CLSTN1: variants seen among roughly 807,000 people sequenced by gnomAD.
CLSTN1 encodes calsyntenin 1, also known as calsyntenin-1.
A neutral mutation model predicts 108.3 loss-of-function variants in CLSTN1; 28 were observed. The ratio of observed to expected loss-of-function variants is 0.26; its 90% CI spans 0.19 to 0.35. CLSTN1 has a LOEUF of 0.35. Ranked by LOEUF, CLSTN1 falls within the 10% of genes least tolerant of loss-of-function variation. CLSTN1 has a pLI of 1.00. For synonymous variants in CLSTN1, 524 were observed against 534.9 expected, an observed-to-expected ratio of 0.98 and a Z score of 0.28; for missense variants, 1,157 against 1,302.6, an observed-to-expected ratio of 0.89 and a Z score of 1.72.
intron 4 of CLSTN1, among the ~76,000 whole-genome samples, chr1:9,753,350 G>A (rs1651649772): frequency 6.6e-6 from 1 of 152,126 alleles, no homozygotes; most frequent in South Asian, 2.1e-4. Context: ...ACTGGCCCAC[G>A]TCCTGAGGTA....
At chr1:9,808,167 A>G (rs764260904) in intron 1 of CLSTN1, among the ~76,000 whole-genome samples, 2 of 152,214 alleles carry the variant, frequency 1.3e-5, no homozygotes, top group South Asian at 4.1e-4. Flanking sequence ...GCAGGACCCA[A>G]GTATTCAAAG....
At chr1:9,753,099 G>A (rs780922492) in intron 4 of CLSTN1, among the ~76,000 whole-genome samples, 1 of 152,108 alleles carries the variant, frequency 6.6e-6, no homozygotes, top group Admixed American at 6.6e-5. Context: ...ACAGATGGGG[G>A]TGGGAGGATG....
chr1:9,788,408 T>C (rs1570493976), intron 1 of CLSTN1, among the ~76,000 whole-genome samples: 1 of 150,582 alleles, frequency 6.6e-6, no homozygotes, highest in African/African-American at 2.4e-5. Flanking sequence ...CCATCTCTAC[T>C]AAAAATACAA....
chr1:9,767,987 T>C (rs1652431925), intron 2 of CLSTN1, among the ~76,000 whole-genome samples: 1 of 152,136 alleles, frequency 6.6e-6, no homozygotes, highest in Non-Finnish European at 1.5e-5. Context: ...CCCAAACCAA[T>C]GAGGTCTGTG....
rs1422573758 is a variant in CLSTN1 at position 9,741,195 on chromosome 1, T to C, written c.1418A>G (p.Tyr473Cys). The C allele has an allele frequency of 6.2e-6, 10 of 1,614,022 alleles. No homozygotes were observed. Among genetic ancestry groups the C allele is most frequent in the South Asian group, 3.3e-5 (3 of 91,066 alleles). Residue 473 changes from tyrosine (Y) to cysteine (C), a missense_variant, in exon 10 of 19, where the codon TAT (tyrosine) becomes TGT (cysteine). Physicochemically the swap from Tyr to Cys is radical, Grantham distance 194. Coordinates refer to ENST00000377298, the MANE Select transcript of CLSTN1 (RefSeq NM_001009566.3). ...LNVEFPSVTL[Y>C]VDGTSHEPFS... is the part of the protein sequence containing the mutation. ...GGGCTCGTGGGACGTGCCATCCACA[T>C]AGAGAGTCACACTCGGGAATTCTAC...
Position 9,730,514 on chromosome 1 carries a change from G to C in CLSTN1, c.2940C>G (p.Ser980Arg). The C allele has an allele frequency of 6.2e-7, 1 of 1,603,618 alleles. No homozygotes were observed. Among genetic ancestry groups the C allele is most frequent in the Non-Finnish European group, 8.5e-7 (1 of 1,179,886 alleles). The stretch of plus-strand genomic sequence containing the variant: ...AGGTGGCCGGGGGCACGGGTCAGTA[G>C]CTGAGGGTGGAGTCATCCCACTCCA... ...QQLEWDDSTL[S>R]Y The change falls in exon 19 of 19, where the codon AGC becomes AGG. Residue 980 changes from serine to arginine, a missense_variant. Ser to Arg is a moderately radical substitution (Grantham distance 110, BLOSUM62 -1). Coordinates refer to ENST00000377298, the MANE Select transcript of CLSTN1 (RefSeq NM_001009566.3). This position sits in a 1 kb window ranked among gnomAD's most constrained non-coding sequence, Gnocchi z 5.6.
intron 1 of CLSTN1, among the ~76,000 whole-genome samples, chr1:9,799,718 A>T (rs1654169252): frequency 6.6e-6 from 1 of 151,576 alleles, no homozygotes; most frequent in Admixed American, 6.6e-5. Context: ...CGAGGCAGGC[A>T]GATCATGAGG....
intron 2 of CLSTN1, among the ~76,000 whole-genome samples, chr1:9,769,819 G>T (rs1465872040): frequency 6.6e-6 from 1 of 152,046 alleles, no homozygotes; most frequent in Non-Finnish European, 1.5e-5. Flanking sequence ...GAGGCAGGCA[G>T]ATCACGAGGT....
intron 10 of CLSTN1, among the ~76,000 whole-genome samples, chr1:9,739,487 A>C (rs1482923611): frequency 1.3e-5 from 2 of 152,202 alleles, no homozygotes; most frequent in Non-Finnish European, 2.9e-5. Context: ...TAGATTAATA[A>C]GAAGGGATCC....
At chr1:9,774,579 T>A (rs944691346) in intron 1 of CLSTN1, among the ~76,000 whole-genome samples, 13 of 148,414 alleles carry the variant, frequency 8.8e-5, no homozygotes, top group East Asian at 4.0e-4. Flanking sequence ...AAAAAAAAAA[T>A]AATCCACTTT....
intron 1 of CLSTN1, among the ~76,000 whole-genome samples, chr1:9,787,199 C>T (rs1266754822): frequency 6.6e-6 from 1 of 151,016 alleles, no homozygotes; most frequent in Non-Finnish European, 1.5e-5. Flanking sequence ...GCTTCTGTTT[C>T]CCCCTTCTTC....
chr1:9,729,987 C>A lies in CLSTN1; in HGVS notation c.*521G>T, dbSNP rs1191720114. Reference sequence around the variant, plus strand: ...CCGGGTTACACTAGCACAAAGGACACAAGGAATCCGATTTATTTACAAAAT... The same window carrying A: ...CCGGGTTACACTAGCACAAAGGACAAAAGGAATCCGATTTATTTACAAAAT... On this transcript the variant is annotated 3_prime_UTR_variant, in exon 19 of 19. Coordinates refer to ENST00000377298, the MANE Select transcript of CLSTN1 (RefSeq NM_001009566.3). 1.2e-5 allele frequency: 2 copies of A among 162,252 alleles called. No individual in the cohort carries two copies. The highest frequency in any genetic ancestry group is 4.8e-5 in the African/African-American group (2 of 41,570). 10.1% of individuals were successfully genotyped at this position (162,252 alleles called of 1,614,324 possible). A position where few individuals can be genotyped will look rare whatever the true frequency, so the allele number is the denominator to read the frequency against.
At chr1:9,737,439 G>A in intron 11 of CLSTN1, 59 bp downstream of exon 11, 1 of 1,485,192 alleles carries the variant, frequency 6.7e-7, no homozygotes, top group Non-Finnish European at 9.4e-7. Context: ...CACGTGGAAT[G>A]AATCAGTCTC....
intron 2 of CLSTN1, among the ~76,000 whole-genome samples, chr1:9,770,906 T>C (rs930130524): frequency 5.9e-5 from 9 of 151,628 alleles, no homozygotes; most frequent in Non-Finnish European, 1.3e-4. Flanking sequence ...GGCAGGAAAA[T>C]TGCTTGAATC....
intron 2 of CLSTN1, among the ~76,000 whole-genome samples, chr1:9,769,331 C>G (rs112176057): frequency 1.6e-4 from 24 of 152,016 alleles, no homozygotes; most frequent in Non-Finnish European, 2.6e-4. Flanking sequence ...ACACAAAGAC[C>G]TGTACAGGAA....
rs1655294599 is a variant in CLSTN1 at position 9,823,900 on chromosome 1, T to A, written c.-167A>T. ...GCCGCCGTGACGCTGGGCCGCGCGC[T>A]CAGGACGCGGCGCCCTCCCCGCCTC... On this transcript the variant is annotated 5_prime_UTR_variant, in exon 1 of 19. Transcript: ENST00000377298. The surrounding 1 kb of genome is among the most constrained non-coding windows in gnomAD (Gnocchi z 6.3). The A allele has an allele frequency of 5.5e-6, 1 of 182,266 alleles. No individual in the cohort carries two copies. Among genetic ancestry groups the A allele is most frequent in the Non-Finnish European group, 1.1e-5 (1 of 93,448 alleles). 11.3% of individuals were successfully genotyped at this position (182,266 alleles called of 1,614,324 possible). A position where few individuals can be genotyped will look rare whatever the true frequency, so the allele number is the denominator to read the frequency against.
rs1317800807 is a variant in CLSTN1 at position 9,733,551 on chromosome 1, A to G, written c.2282-5T>C. 3 of 1,613,490 alleles carry G rather than the reference A, an allele frequency of 1.9e-6. No homozygotes were observed. The African/African-American group carries it at 4.0e-5, about 22-fold the overall frequency. ...AGCTGGCCATGGTGTCCACGCCTGC[A>G]GGGGTTGAAAGGGGGAAGATTGCCG... On this transcript the variant is annotated splice_region_variant and splice_polypyrimidine_tract_variant and intron_variant, in intron 15 of 18. Transcript: ENST00000377298.
At position 9,798,121 on chromosome 1, in the gene CLSTN1, G is replaced by GGA. The variant is rs572541638; in HGVS notation, c.92-24729_92-24728dup. The stretch of plus-strand genomic sequence containing the variant: ...AACAAAGAAAGAGAGAGGGAGAGAG[G>GGA]GAGAGAGGGGAAGAGGGGAAGAGGG... On this transcript the variant is annotated intron_variant, in intron 1 of 18. Transcript: ENST00000377298. 1.1e-4 allele frequency among the ~76,000 whole-genome samples: 16 copies of GGA among 139,552 alleles called. 4 individuals carry two copies. The South Asian group carries it at 4.1e-3, about 35-fold the overall frequency. 91.6% of individuals were successfully genotyped at this position (139,552 alleles called of 152,430 possible). A position where few individuals can be genotyped will look rare whatever the true frequency, so the allele number is the denominator to read the frequency against.
At chr1:9,775,332 C>T (rs1219593383) in intron 1 of CLSTN1, among the ~76,000 whole-genome samples, 1 of 151,958 alleles carries the variant, frequency 6.6e-6, no homozygotes, top group Non-Finnish European at 1.5e-5. Flanking sequence ...CAGGGACACC[C>T]CCACCCTCCT....
Sources: gnomAD v4.1 joint callset for allele counts (sites outside exome capture counted in the v4.1 genomes callset) on GRCh38, gnomAD v4.1.1 for gene constraint, Gnocchi (gnomAD v3.1) non-coding constraint, MANE v1.5 for transcripts, NCBI Gene and HGNC (gene_info 2026-07-23, HGNC 2026-07-21) for gene names.